The following PLSCR5 variants were observed in gnomAD, a reference collection of about 807,000 sequenced individuals.
PLSCR5 encodes phospholipid scramblase family member 5.
Under a neutral mutation model 33.6 loss-of-function variants are expected in PLSCR5, and 44 were observed. That is an observed-to-expected ratio of 1.31 (90% CI 1.03 to 1.69). PLSCR5 has a LOEUF of 1.69. PLSCR5 is among the 40% of genes most tolerant of loss of function. The probability of loss-of-function intolerance (pLI) is 0.00; values close to 1 mark genes in which losing one functional copy is unlikely to be tolerated. For synonymous variants in PLSCR5, 148 were observed against 112.3 expected (o/e 1.32, Z -2.01); for missense variants, 375 against 318.7 (o/e 1.18, Z -1.34).
At chr3:146,577,413 G>A (rs1043507501) in intron 7 of PLSCR5, among the ~76,000 whole-genome samples, 8 of 152,084 alleles carry the variant, frequency 5.3e-5, no homozygotes, top group African/African-American at 1.4e-4. Context: ...CCAAAAATGA[G>A]TGGATTTTCT....
rs2044854663 is a variant in PLSCR5 at position 146,605,221 on chromosome 3, C to T, written c.-9G>A. On this transcript the variant is annotated 5_prime_UTR_variant, in exon 1 of 8. Coordinates refer to ENST00000443512, the MANE Select transcript of PLSCR5 (RefSeq NM_001085420.2). ...TTACCTTTAGAGGCCATGAAGATGT[C>T]TGAGTCACTTCTTCAAAGGTTGCCA... is the stretch of plus-strand genomic sequence containing the variant. The T allele has an allele frequency of 1.2e-6, 2 of 1,611,346 alleles. No homozygotes were observed. Among genetic ancestry groups the T allele is most frequent in the East Asian group, 4.5e-5 (2 of 44,836 alleles).
Position 146,591,884 on chromosome 3 carries a change from G to A in PLSCR5, c.454-3C>T, listed in dbSNP as rs1034539267. 2 of 1,583,900 alleles carry A rather than the reference G, an allele frequency of 1.3e-6. No homozygotes were observed. The highest frequency in any genetic ancestry group is 1.4e-5 in the African/African-American group (1 of 73,424). ...CCAGGAGGGGCTTGGATTTCTAACT[G>A]TAAGAAGAGATAATGATAAAATAAG... On this transcript the variant is annotated splice_polypyrimidine_tract_variant and splice_region_variant and intron_variant, in intron 4 of 7. Coordinates refer to ENST00000443512, the MANE Select transcript of PLSCR5 (RefSeq NM_001085420.2).
At position 146,601,082 on chromosome 3, in the gene PLSCR5, A is replaced by G. The variant is rs1200437490; in HGVS notation, c.14-619T>C. ...AATATTACAAAATATAAAAGATATC[A>G]TAATCAAAGAATTCTATAAAGTTTG... On this transcript the variant is annotated intron_variant, in intron 1 of 7. Transcript: ENST00000443512. Among the ~76,000 whole-genome samples, 3 of 151,154 alleles carry G rather than the reference A, an allele frequency of 2.0e-5. No homozygotes were observed. In the East Asian group the frequency reaches 5.8e-4, roughly 29 times the overall value.
intron 6 of PLSCR5, among the ~76,000 whole-genome samples, chr3:146,586,781 C>A (rs762299591): frequency 1.1e-4 from 17 of 151,990 alleles, no homozygotes; most frequent in Non-Finnish European, 2.5e-4. Context: ...GAGGAAATAA[C>A]CTTATACCAG....
chr3:146,589,472 C>T (rs2044691473), intron 6 of PLSCR5, 181 bp downstream of exon 6: 1 of 463,348 alleles, frequency 2.2e-6, no homozygotes, highest in African/African-American at 2.0e-5. Flanking sequence ...AGAGGGGCTG[C>T]CTAACAGAAA....
chr3:146,580,406 G>T (rs1268982751), intron 7 of PLSCR5, among the ~76,000 whole-genome samples: 1 of 145,210 alleles, frequency 6.9e-6, no homozygotes, highest in Non-Finnish European at 1.5e-5. Context: ...GGCTTCCTGT[G>T]CTTCTCAAAC....
At position 146,595,021 on chromosome 3, in the gene PLSCR5, A is replaced by G; in HGVS notation, c.232+20T>C. 1 of 1,336,034 alleles carries G rather than the reference A, an allele frequency of 7.5e-7. No individual in the cohort carries two copies. Among genetic ancestry groups the G allele is most frequent in the Admixed American group, 2.9e-5 (1 of 34,084 alleles). The allele number at this position is 1,336,034 out of a possible 1,614,324, so 82.8% of individuals were successfully genotyped here. ...TTTTCAATAGTTTTAATAAATATGT[A>G]ATATATATAATGCACTTACTTCCAA... On this transcript the variant is annotated intron_variant, in intron 3 of 7. Coordinates refer to ENST00000443512, the MANE Select transcript of PLSCR5 (RefSeq NM_001085420.2).
intron 4 of PLSCR5, among the ~76,000 whole-genome samples, chr3:146,592,549 C>T (rs1382630280): frequency 1.3e-5 from 2 of 151,982 alleles, no homozygotes; most frequent in East Asian, 1.9e-4. Flanking sequence ...GGGGTGGGTA[C>T]AAATTTTTTA....
At chr3:146,582,132 TCA>T (rs1233490590), downstream of PLSCR5, among the ~76,000 whole-genome samples, 1 of 152,244 alleles carries the variant, frequency 6.6e-6, no homozygotes, top group Non-Finnish European at 1.5e-5. Flanking sequence ...CCTTTCTCCC[TCA>T]CAGAGAGTAG....
chr3:146,598,606 T>G (rs1337539661), intron 2 of PLSCR5, among the ~76,000 whole-genome samples: 1 of 152,224 alleles, frequency 6.6e-6, no homozygotes, highest in African/African-American at 2.4e-5. Context: ...GCTCCGGGTG[T>G]GTCATCATTC....
intron 5 of PLSCR5, among the ~76,000 whole-genome samples, chr3:146,591,277 A>C (rs530859579): frequency 1.3e-5 from 2 of 152,174 alleles, no homozygotes; most frequent in African/African-American, 2.4e-5. Context: ...TATCTTAAAA[A>C]GGCAAAGCTA....
At chr3:146,593,709 A>G (rs147732030) in intron 4 of PLSCR5, among the ~76,000 whole-genome samples, 1 of 152,324 alleles carries the variant, frequency 6.6e-6, no homozygotes, top group Non-Finnish European at 1.5e-5. Context: ...AACAGTTTAT[A>G]TCATGAAAGC....
At chr3:146,580,175 G>T (rs1027346127) in intron 7 of PLSCR5, among the ~76,000 whole-genome samples, 11 of 152,122 alleles carry the variant, frequency 7.2e-5, no homozygotes, top group African/African-American at 2.7e-4. Flanking sequence ...TCTTATGAGT[G>T]TCATGGCCAT....
chr3:146,593,727 G>C (rs1297390615), intron 4 of PLSCR5, among the ~76,000 whole-genome samples, 193 bp downstream of exon 4: 1 of 152,156 alleles, frequency 6.6e-6, no homozygotes, highest in African/African-American at 2.4e-5. Flanking sequence ...AGCCACCATA[G>C]TTTTTGGTTG....
chr3:146,585,372 T>G (rs1468340100), downstream of PLSCR5, among the ~76,000 whole-genome samples: 15 of 152,088 alleles, frequency 9.9e-5, no homozygotes, highest in Admixed American at 9.8e-4. Context: ...TTTAAATCTC[T>G]GGCATGAGTA....
At chr3:146,576,883 G>C (rs1335353795) in intron 7 of PLSCR5, among the ~76,000 whole-genome samples, 1 of 151,926 alleles carries the variant, frequency 6.6e-6, no homozygotes, top group Admixed American at 6.6e-5. Context: ...CTATAGTTTT[G>C]AAAGCCAAAT....
At chr3:146,578,747 C>T (rs949023532) in intron 7 of PLSCR5, among the ~76,000 whole-genome samples, 4 of 151,848 alleles carry the variant, frequency 2.6e-5, no homozygotes, top group Non-Finnish European at 5.9e-5. Context: ...ATAGTCTTAT[C>T]GTGTTTTAAT....
At position 146,589,816 on chromosome 3, in the gene PLSCR5, T is replaced by C. The variant is rs2044698529; in HGVS notation, c.616-2A>G. On this transcript the variant is annotated splice_acceptor_variant, in intron 5 of 7. Coordinates refer to ENST00000443512, the MANE Select transcript of PLSCR5 (RefSeq NM_001085420.2). LOFTEE classifies it high-confidence loss of function. ...AAGCTTTTCATTAATGGTTTTCACCTTTAGAAAGAAAATAAGGAGTATTAA... is the reference window on the plus strand; with the variant it reads ...AAGCTTTTCATTAATGGTTTTCACCCTTAGAAAGAAAATAAGGAGTATTAA... The C allele has an allele frequency of 2.6e-6, 4 of 1,514,976 alleles. No homozygotes were observed. The highest frequency in any genetic ancestry group is 3.6e-6 in the Non-Finnish European group (4 of 1,112,198). The allele number at this position is 1,514,976 out of a possible 1,614,324, so 93.8% of individuals were successfully genotyped here.
intron 1 of PLSCR5, among the ~76,000 whole-genome samples, chr3:146,602,130 C>A (rs2044821864): frequency 6.6e-6 from 1 of 151,984 alleles, no homozygotes; most frequent in Non-Finnish European, 1.5e-5. Flanking sequence ...TCCGCAAGTA[C>A]CCCCACCCTG....
Sources: allele counts gnomAD v4.1 joint callset (sites outside exome capture counted in the v4.1 genomes callset), GRCh38; gene constraint gnomAD v4.1.1; transcripts MANE v1.5; gene names NCBI Gene and HGNC (gene_info 2026-07-23, HGNC 2026-07-21).